Variants in PDE3A observed in about 807,000 individuals in gnomAD.
PDE3A encodes the protein phosphodiesterase 3A, also known as cGMP-inhibited 3',5'-cyclic phosphodiesterase 3A.
A neutral mutation model predicts 98.3 loss-of-function variants in PDE3A; 43 were observed. The observed-to-expected ratio is 0.44, with a 90% CI of 0.34 to 0.56. The LOEUF (loss-of-function observed/expected upper bound fraction) is 0.56, where lower values mean the gene tolerates loss of function less well. PDE3A is among the 20% of genes least tolerant of loss of function. The pLI is 0.01. For synonymous variants in PDE3A, 663 were observed against 567.9 expected (o/e 1.17, Z -2.38); for missense variants, 1,427 against 1,440.7 (o/e 0.99, Z 0.15).
chr12:20,390,457 G>GA (rs34930599), intron 1 of PDE3A, among the ~76,000 whole-genome samples: 69,183 of 127,374 alleles, frequency 0.54, 17,757 homozygotes, highest in East Asian at 0.73. Flanking sequence ...GGTGATTTAA[G>GA]AAAAAAAAAA....
intron 1 of PDE3A, among the ~76,000 whole-genome samples, chr12:20,469,257 G>A (rs547995514): frequency 8.0e-4 from 121 of 152,186 alleles, no homozygotes; most frequent in African/African-American, 2.8e-3. Context: ...CCTAGCCACC[G>A]TAATAATGAA....
Position 20,369,850 on chromosome 12 carries a change from C to G in PDE3A, c.566C>G (p.Pro189Arg), listed in dbSNP as rs1166904979. The G allele has an allele frequency of 6.2e-7, 1 of 1,611,940 alleles. No homozygotes were observed. The highest frequency in any genetic ancestry group is 2.2e-5 in the East Asian group (1 of 44,786). ...GGGGAGGATCACTTACTCTCACTCC[C>G]CGCCGCGGGGGTGGTGCTCAGCTGC... ...GVGEDHLLSL[P>R]AAGVVLSCLA... Residue 189 changes from proline (P) to arginine (R), a missense_variant, in exon 1 of 16, where the codon CCC becomes CGC. Coordinates refer to ENST00000359062, the MANE Select transcript of PDE3A (RefSeq NM_000921.5).
chr12:20,550,993 T>C (rs1425705390), intron 1 of PDE3A, among the ~76,000 whole-genome samples: 1 of 150,378 alleles, frequency 6.6e-6, no homozygotes, highest in East Asian at 1.9e-4. Context: ...ATTATATATA[T>C]TTTATATGTG....
chr12:20,626,700 G>A (rs1451737826), intron 5 of PDE3A, among the ~76,000 whole-genome samples: 4 of 152,082 alleles, frequency 2.6e-5, no homozygotes, highest in African/African-American at 9.7e-5. Context: ...GTTTCACCAT[G>A]TTGGCCAGGC....
intron 1 of PDE3A, among the ~76,000 whole-genome samples, chr12:20,500,172 A>G (rs959794586): frequency 6.6e-6 from 1 of 152,336 alleles, no homozygotes; most frequent in Admixed American, 6.5e-5. Context: ...GAATATTTAA[A>G]TCAAAATTGG....
intron 1 of PDE3A, among the ~76,000 whole-genome samples, chr12:20,398,811 G>A (rs775780858): frequency 2.2e-4 from 34 of 152,064 alleles, no homozygotes; most frequent in Admixed American, 3.9e-4. Flanking sequence ...TTTTTAAAAT[G>A]TGGTAACATA....
intron 15 of PDE3A, among the ~76,000 whole-genome samples, chr12:20,658,674 C>A (rs191306478): frequency 2.1e-3 from 323 of 152,326 alleles, no homozygotes; most frequent in African/African-American, 7.2e-3. Context: ...TCCTACCTCC[C>A]AACAGAGACT....
At chr12:20,525,152 C>A (rs1946493317) in intron 1 of PDE3A, among the ~76,000 whole-genome samples, 1 of 152,110 alleles carries the variant, frequency 6.6e-6, no homozygotes. Flanking sequence ...GAAGATGGAG[C>A]TACATTACTG....
In PDE3A at chr12:20,646,954, A is replaced by G. The variant is rs374777702; in HGVS notation, c.2565+4A>G. ...GGTTGCAACTAGTGCTCCTCAGGTAAATCTTTAGATTTTGGTTAGGAGAAC... is the reference window on the plus strand; with the variant it reads ...GGTTGCAACTAGTGCTCCTCAGGTAGATCTTTAGATTTTGGTTAGGAGAAC... On this transcript the variant is annotated splice_donor_region_variant and intron_variant, in intron 12 of 15. Transcript: ENST00000359062. 481 of 1,604,610 alleles carry G rather than the reference A, an allele frequency of 3.0e-4. 1 individual carries two copies. The African/African-American group carries it at 5.7e-3, about 19-fold the overall frequency.
At position 20,517,753 on chromosome 12, in the gene PDE3A, T is replaced by A. The variant is rs141809691; in HGVS notation, c.961-38907T>A. On this transcript the variant is annotated intron_variant, in intron 1 of 15. Coordinates refer to ENST00000359062, the MANE Select transcript of PDE3A (RefSeq NM_000921.5). Reference sequence around the variant, plus strand: ...GCTCAGTCAGTAGGTCAGGGAAATGTCATGTGGGGCCATTTTCTCTTATCC... The same window carrying A: ...GCTCAGTCAGTAGGTCAGGGAAATGACATGTGGGGCCATTTTCTCTTATCC... Among the ~76,000 whole-genome samples, 13 of 152,308 alleles carry A rather than the reference T, an allele frequency of 8.5e-5. No homozygotes were observed. In the East Asian group the frequency reaches 2.3e-3, roughly 27 times the overall value.
intron 1 of PDE3A, among the ~76,000 whole-genome samples, chr12:20,498,993 G>A (rs995693732): frequency 6.6e-6 from 1 of 152,052 alleles, no homozygotes; most frequent in African/African-American, 2.4e-5. Flanking sequence ...TATACTTTTT[G>A]GTAGAAAATT....
intron 2 of PDE3A, among the ~76,000 whole-genome samples, chr12:20,600,465 C>A (rs1943568323): frequency 2.0e-5 from 3 of 152,134 alleles, no homozygotes; most frequent in Admixed American, 2.0e-4. Flanking sequence ...ATATTCCTGC[C>A]ATGATCTGTT....
intron 1 of PDE3A, among the ~76,000 whole-genome samples, chr12:20,410,604 A>G (rs1288812745): frequency 1.3e-5 from 2 of 152,108 alleles, no homozygotes; most frequent in Admixed American, 6.6e-5. Flanking sequence ...TCATCAAAAG[A>G]TGATGTTTGT....
chr12:20,394,243 A>G (rs927802355), intron 1 of PDE3A, among the ~76,000 whole-genome samples: 4 of 152,044 alleles, frequency 2.6e-5, no homozygotes, highest in Non-Finnish European at 4.4e-5. Flanking sequence ...CTAGCCTTCA[A>G]TGGTAGACTG....
chr12:20,640,523 G>A (rs887878395), intron 10 of PDE3A, among the ~76,000 whole-genome samples: 1 of 151,968 alleles, frequency 6.6e-6, no homozygotes, highest in Non-Finnish European at 1.5e-5. Context: ...ATATGGAAGT[G>A]GTTATGGAAA....
intron 1 of PDE3A, among the ~76,000 whole-genome samples, chr12:20,398,248 T>C: frequency 6.6e-6 from 1 of 151,500 alleles, no homozygotes; most frequent in East Asian, 1.9e-4. Flanking sequence ...TTATCACTGG[T>C]CTGGAGAAGA....
At position 20,607,893 on chromosome 12, in the gene PDE3A, A is replaced by G. The variant is rs553852161; in HGVS notation, c.1012-5550A>G. Among the ~76,000 whole-genome samples, 3 of 152,232 alleles carry G rather than the reference A, an allele frequency of 2.0e-5. No homozygotes were observed. The South Asian group carries it at 6.2e-4, about 32-fold the overall frequency. On this transcript the variant is annotated intron_variant, in intron 2 of 15. Coordinates refer to ENST00000359062, the MANE Select transcript of PDE3A (RefSeq NM_000921.5). ...TTAACATTTAGTATTTATTATCACT[A>G]TCTAAGATTTCACCAGTTAAATAAA...
intron 1 of PDE3A, among the ~76,000 whole-genome samples, chr12:20,417,804 C>T (rs1314508316): frequency 1.3e-5 from 2 of 152,144 alleles, no homozygotes; most frequent in African/African-American, 4.8e-5. Flanking sequence ...GTGTTCGAGG[C>T]AGCGTACTTA....
At chr12:20,417,045 T>C (rs1333409321) in intron 1 of PDE3A, among the ~76,000 whole-genome samples, 1 of 152,168 alleles carries the variant, frequency 6.6e-6, no homozygotes. Context: ...AACCAAAATG[T>C]ACATAATGTG....
Sources: allele counts gnomAD v4.1 joint callset (sites outside exome capture counted in the v4.1 genomes callset), GRCh38; gene constraint gnomAD v4.1.1; transcripts MANE v1.5; gene names NCBI Gene and HGNC (gene_info 2026-07-23, HGNC 2026-07-21).